RAB38: variants seen among roughly 807,000 people sequenced by gnomAD.
RAB38 encodes the protein RAB38, member RAS oncogene family.
A neutral mutation model predicts 18.4 loss-of-function variants in RAB38; 15 were observed. The observed-to-expected ratio is 0.82, with a 90% CI of 0.55 to 1.26. The LOEUF (loss-of-function observed/expected upper bound fraction) is 1.26, where lower values mean the gene tolerates loss of function less well. Among genes scored for constraint, RAB38 ranks in the 50% most tolerant of loss-of-function variants. RAB38 has a pLI of 0.00. For synonymous variants in RAB38, 101 were observed against 104.4 expected, an observed-to-expected ratio of 0.97 and a Z score of 0.20; for missense variants, 294 against 267.4, an observed-to-expected ratio of 1.10 and a Z score of -0.69.
At chr11:88,098,646 A>T in the RAB38 span, 1 of 151,918 alleles carries the variant, frequency 6.6e-6, no homozygotes, top group East Asian at 1.9e-4. Context: ...GAATGTGTAA[A>T]ATAGGTTGGA....
At chr11:88,057,573 C>A in the RAB38 span, among the ~76,000 whole-genome samples, 156 of 152,240 alleles carry the variant, frequency 1.0e-3, 3 homozygotes, top group East Asian at 0.024. Flanking sequence ...AATGTTGTTT[C>A]CTTATGCTGC....
the RAB38 span, among the ~76,000 whole-genome samples, chr11:88,021,083 AAATAAAT>A: frequency 6.6e-6 from 1 of 152,156 alleles, no homozygotes; most frequent in African/African-American, 2.4e-5. Flanking sequence ...TAGTAGAAGG[AAATAAAT>A]AATAAAGATC....
chr11:88,141,517 G>A (rs1306554045), intron 2 of RAB38, among the ~76,000 whole-genome samples: 1 of 152,162 alleles, frequency 6.6e-6, no homozygotes, highest in Admixed American at 6.5e-5. Context: ...AATTTCATAA[G>A]AGTTGTTATT....
the RAB38 span, among the ~76,000 whole-genome samples, chr11:87,884,000 T>C: frequency 3.9e-5 from 6 of 152,022 alleles, no homozygotes; most frequent in African/African-American, 1.4e-4. Context: ...ATGGCAGAAA[T>C]AGAAAACTCA....
chr11:88,038,511 T>C, the RAB38 span, among the ~76,000 whole-genome samples: 1 of 152,208 alleles, frequency 6.6e-6, no homozygotes, highest in Non-Finnish European at 1.5e-5. Context: ...CCAACTAGAC[T>C]GAGTTCTTTA....
chr11:88,101,580 G>C, the RAB38 span, among the ~76,000 whole-genome samples: 2 of 151,736 alleles, frequency 1.3e-5, no homozygotes, highest in African/African-American at 2.4e-5. Context: ...AAAAAGGCAG[G>C]TTAATGTGAA....
the RAB38 span, among the ~76,000 whole-genome samples, chr11:87,837,703 G>A: frequency 1.3e-5 from 2 of 152,276 alleles, no homozygotes; most frequent in Admixed American, 6.5e-5. Flanking sequence ...ACTGATCTAT[G>A]TAACTAAGGA....
the RAB38 span, among the ~76,000 whole-genome samples, chr11:87,852,425 A>C: frequency 6.6e-6 from 1 of 152,140 alleles, no homozygotes; most frequent in Non-Finnish European, 1.5e-5. Flanking sequence ...AACATTATCA[A>C]AGTCACATTT....
At chr11:87,977,849 G>A in the RAB38 span, among the ~76,000 whole-genome samples, 96,888 of 96,982 alleles carry the variant, frequency 1, 48,397 homozygotes, top group Middle Eastern at 1. Context: ...GTATATTAAT[G>A]GATAGTAATA....
the RAB38 span, among the ~76,000 whole-genome samples, chr11:87,934,197 A>G: frequency 1.3e-5 from 2 of 152,078 alleles, no homozygotes. Context: ...TACAAATAAC[A>G]TGCCTGTGTG....
the RAB38 span, among the ~76,000 whole-genome samples, chr11:87,904,379 A>G: frequency 6.6e-5 from 10 of 151,916 alleles, no homozygotes; most frequent in Admixed American, 5.3e-4. Context: ...GCTTAGGATA[A>G]TGGCCTCCAG....
chr11:87,825,850 A>G, the RAB38 span, among the ~76,000 whole-genome samples: 1 of 152,300 alleles, frequency 6.6e-6, no homozygotes, highest in South Asian at 2.1e-4. Context: ...CATCATTTTT[A>G]AACAAATCAT....
At chr11:88,014,515 T>C in the RAB38 span, among the ~76,000 whole-genome samples, 1 of 152,246 alleles carries the variant, frequency 6.6e-6, no homozygotes, top group East Asian at 1.9e-4. Flanking sequence ...AGTTCAGAAG[T>C]GGCAGAGTTG....
chr11:87,915,934 T>A, the RAB38 span, among the ~76,000 whole-genome samples: 3 of 152,134 alleles, frequency 2.0e-5, no homozygotes, highest in African/African-American at 7.2e-5. Flanking sequence ...TCTTTAAGAT[T>A]TAATGTCTGC....
chr11:88,070,711 A>G, the RAB38 span, among the ~76,000 whole-genome samples: 1 of 152,208 alleles, frequency 6.6e-6, no homozygotes, highest in Non-Finnish European at 1.5e-5. Flanking sequence ...ACTTACACAA[A>G]GGATGAAGAA....
chr11:87,854,669 T>C, the RAB38 span, among the ~76,000 whole-genome samples: 15 of 152,260 alleles, frequency 9.9e-5, no homozygotes, highest in East Asian at 2.5e-3. Context: ...CCAGAATTAA[T>C]AAAAATGTTT....
At position 88,138,162 on chromosome 11, in the gene RAB38, C is replaced by A. The variant is rs191546771; in HGVS notation, c.483+11513G>T. ...CCGTGTGCTGGCTCTACAGGGCATT[C>A]AAAAAAAAATTGCATAAGGAAAGGA... On this transcript the variant is annotated intron_variant, in intron 2 of 2. Transcript: ENST00000243662. Among the ~76,000 whole-genome samples, 364 of 150,138 alleles carry A rather than the reference C, an allele frequency of 2.4e-3. 1 individual carries two copies. Among genetic ancestry groups the A allele is most frequent in the African/African-American group, 8.7e-3 (356 of 40,924 alleles).
At chr11:88,141,310 A>C (rs1022164020) in intron 2 of RAB38, among the ~76,000 whole-genome samples, 1 of 152,088 alleles carries the variant, frequency 6.6e-6, no homozygotes, top group African/African-American at 2.4e-5. Flanking sequence ...ATCACAACTG[A>C]TTGGGGTGTT....
At chr11:87,872,535 A>G in the RAB38 span, among the ~76,000 whole-genome samples, 1 of 151,484 alleles carries the variant, frequency 6.6e-6, no homozygotes, top group Non-Finnish European at 1.5e-5. Context: ...GTAGTGATAT[A>G]TATCCACTAT....
Sources: gnomAD v4.1 joint callset for allele counts (sites outside exome capture counted in the v4.1 genomes callset) on GRCh38, gnomAD v4.1.1 for gene constraint, MANE v1.5 for transcripts, NCBI Gene and HGNC (gene_info 2026-07-23, HGNC 2026-07-21) for gene names.